The following OLFM3 variants were observed in gnomAD, a reference collection of about 807,000 sequenced individuals.
OLFM3 encodes noelin-3.
A neutral mutation model predicts 48.6 loss-of-function variants in OLFM3; 20 were observed. That is an observed-to-expected ratio of 0.41 (90% CI 0.29 to 0.60). The LOEUF is 0.60. Among genes scored for constraint, OLFM3 ranks in the 20% least tolerant of loss-of-function variants. The pLI, the probability that OLFM3 is intolerant of heterozygous loss-of-function variation, is 0.28. For synonymous variants in OLFM3, 222 were observed against 198.1 expected, an observed-to-expected ratio of 1.12 and a Z score of -1.01; for missense variants, 437 against 544.3, an observed-to-expected ratio of 0.80 and a Z score of 1.96.
chr1:101,971,971 A>G (rs1660817575), intron 1 of OLFM3, among the ~76,000 whole-genome samples: 1 of 151,662 alleles, frequency 6.6e-6, no homozygotes, highest in African/African-American at 2.4e-5. Context: ...ATATAACTAT[A>G]ATATATAAGT....
At chr1:101,862,512 A>T (rs1040728543) in intron 1 of OLFM3, among the ~76,000 whole-genome samples, 2 of 152,210 alleles carry the variant, frequency 1.3e-5, no homozygotes, top group African/African-American at 4.8e-5. Context: ...CAGGATGCTG[A>T]CTTAAAATGA....
intron 1 of OLFM3, among the ~76,000 whole-genome samples, chr1:101,909,442 A>G (rs1424458551): frequency 1.3e-5 from 2 of 152,186 alleles, no homozygotes; most frequent in Non-Finnish European, 2.9e-5. Context: ...TCATCATGTA[A>G]ATTGGGGGAA....
At chr1:101,819,841 T>C (rs1654524366) in intron 4 of OLFM3, among the ~76,000 whole-genome samples, 1 of 152,088 alleles carries the variant, frequency 6.6e-6, no homozygotes, top group Admixed American at 6.6e-5. Flanking sequence ...ATTTAAACTT[T>C]CTGAGTATCT....
chr1:101,807,285 T>C (rs375114132), intron 4 of OLFM3, among the ~76,000 whole-genome samples: 1 of 151,800 alleles, frequency 6.6e-6, no homozygotes, highest in Non-Finnish European at 1.5e-5. Flanking sequence ...GCAATATGAC[T>C]GCCTATAAAA....
rs1401059526 is a variant in OLFM3, at chr1:101,841,111, T to G, written c.70-4086A>C. ...CTGTGCTTTATAAATATAAAGCTAGTATATGATAGTTCTAAGGCTTCAGGG... is the reference window on the plus strand; with the variant it reads ...CTGTGCTTTATAAATATAAAGCTAGGATATGATAGTTCTAAGGCTTCAGGG... On this transcript the variant is annotated intron_variant, in intron 1 of 5. Coordinates refer to ENST00000370103, the MANE Select transcript of OLFM3 (RefSeq NM_058170.4). Among the ~76,000 whole-genome samples, 4 of 152,232 alleles carry G rather than the reference T, an allele frequency of 2.6e-5. No homozygotes were observed. In the East Asian group the frequency reaches 7.7e-4, roughly 29 times the overall value.
intron 1 of OLFM3, among the ~76,000 whole-genome samples, chr1:101,924,635 A>G (rs1360919310): frequency 2.0e-5 from 3 of 152,320 alleles, no homozygotes; most frequent in Middle Eastern, 3.4e-3. Flanking sequence ...CAATAAGCCT[A>G]GTGAAATATT....
Position 101,825,092 on chromosome 1 carries a change from A to G in OLFM3, c.526T>C (p.Tyr176His), listed in dbSNP as rs1380080765. 1 of 1,614,012 alleles carries G rather than the reference A, an allele frequency of 6.2e-7. No individual in the cohort carries two copies. Among genetic ancestry groups the G allele is most frequent in the Non-Finnish European group, 8.5e-7 (1 of 1,179,944 alleles). Residue 176 changes from tyrosine to histidine, a missense_variant, in exon 4 of 6, where the codon TAC (tyrosine) becomes CAC (histidine). Tyr to His is a moderately conservative substitution (Grantham distance 83, BLOSUM62 2). Transcript: ENST00000370103. ...GIQEEIGAYD[Y>H]EELHQRVLSL... The stretch of plus-strand genomic sequence containing the variant: ...AGCACTCTTTGGTGTAGTTCCTCGT[A>G]GTCATAGGCACCAATTTCCTCCTGA...
At chr1:101,972,071 A>T (rs1266374863) in intron 1 of OLFM3, among the ~76,000 whole-genome samples, 1 of 152,100 alleles carries the variant, frequency 6.6e-6, no homozygotes, top group East Asian at 1.9e-4. Flanking sequence ...CTTTGTACAT[A>T]TATATCTGTG....
At position 101,983,754 on chromosome 1, in the gene OLFM3, A is replaced by G. The variant is rs1322630460; in HGVS notation, c.69+12994T>C. Among the ~76,000 whole-genome samples the G allele has an allele frequency of 2.6e-5, 4 of 152,204 alleles. No homozygotes were observed. The East Asian group carries it at 7.7e-4, about 29-fold the overall frequency. On this transcript the variant is annotated intron_variant, in intron 1 of 5. Transcript: ENST00000370103. ...TGCAATTAAATAAGCAAACTATACA[A>G]CACATTTTTTTCTCAATTGCACATG...
At chr1:101,810,042 C>T (rs562772516) in intron 4 of OLFM3, among the ~76,000 whole-genome samples, 3 of 151,882 alleles carry the variant, frequency 2.0e-5, no homozygotes, top group South Asian at 2.1e-4. Context: ...GTAAAGTCCA[C>T]GTTGTTAGAG....
chr1:101,978,011 T>C (rs917733648), intron 1 of OLFM3, among the ~76,000 whole-genome samples: 1 of 152,146 alleles, frequency 6.6e-6, no homozygotes, highest in South Asian at 2.1e-4. Context: ...AGTACATTAG[T>C]TACAAGGTAG....
At chr1:101,807,508 GACAA>G (rs1396709741) in intron 4 of OLFM3, among the ~76,000 whole-genome samples, 1 of 151,628 alleles carries the variant, frequency 6.6e-6, no homozygotes, top group Non-Finnish European at 1.5e-5. Context: ...GCAAATCAAA[GACAA>G]ACTAACTATA....
At position 101,962,995 on chromosome 1, in the gene OLFM3, C is replaced by T. The variant is rs548958520; in HGVS notation, c.69+33753G>A. Among the ~76,000 whole-genome samples, 13 of 152,332 alleles carry T rather than the reference C, an allele frequency of 8.5e-5. No homozygotes were observed. In the East Asian group the frequency reaches 1.2e-3, roughly 14 times the overall value. Reference sequence around the variant, plus strand: ...CTAACCATTTCATTGTGTAACTTTTCGGGATTTTCACGAATTCCCTAGTGG... The same window carrying T: ...CTAACCATTTCATTGTGTAACTTTTTGGGATTTTCACGAATTCCCTAGTGG... On this transcript the variant is annotated intron_variant, in intron 1 of 5. Coordinates refer to ENST00000370103, the MANE Select transcript of OLFM3 (RefSeq NM_058170.4).
chr1:101,950,644 C>A (rs555125796), intron 1 of OLFM3, among the ~76,000 whole-genome samples: 2 of 151,986 alleles, frequency 1.3e-5, no homozygotes, highest in Non-Finnish European at 2.9e-5. Flanking sequence ...CGGAGTTTCA[C>A]CGTGTTAGCC....
chr1:101,810,263 G>T (rs955730005), intron 4 of OLFM3, among the ~76,000 whole-genome samples: 1 of 151,882 alleles, frequency 6.6e-6, no homozygotes, highest in African/African-American at 2.4e-5. Context: ...AGTTGGAGAA[G>T]TTATCTAAAT....
chr1:101,967,959 G>T (rs1299589818), intron 1 of OLFM3, among the ~76,000 whole-genome samples: 1 of 152,072 alleles, frequency 6.6e-6, no homozygotes, highest in East Asian at 1.9e-4. Flanking sequence ...GTTATTTTTG[G>T]ATCAAACATA....
intron 1 of OLFM3, among the ~76,000 whole-genome samples, chr1:101,928,723 ACTAT>A (rs1379592258): frequency 1.3e-5 from 2 of 152,162 alleles, no homozygotes; most frequent in Non-Finnish European, 2.9e-5. Flanking sequence ...CTGAAGACCT[ACTAT>A]GTGTTTGGCA....
intron 1 of OLFM3, among the ~76,000 whole-genome samples, chr1:101,929,057 T>C (rs556271858): frequency 3.3e-4 from 50 of 152,224 alleles, no homozygotes; most frequent in African/African-American, 1.2e-3. Flanking sequence ...ATGCCAGAAC[T>C]TGGATTGCAC....
At chr1:101,929,496 C>T (rs1026299955) in intron 1 of OLFM3, among the ~76,000 whole-genome samples, 30 of 152,096 alleles carry the variant, frequency 2.0e-4, no homozygotes, top group African/African-American at 7.0e-4. Flanking sequence ...AGATCCTCAT[C>T]TATCTCTATC....
Sources: gnomAD v4.1 joint callset for allele counts (sites outside exome capture counted in the v4.1 genomes callset) on GRCh38, gnomAD v4.1.1 for gene constraint, MANE v1.5 for transcripts, NCBI Gene and HGNC (gene_info 2026-07-23, HGNC 2026-07-21) for gene names.